The following GRM4 variants were observed in gnomAD, a reference collection of about 807,000 sequenced individuals.
The protein encoded by GRM4 is metabotropic glutamate receptor 4.
In GRM4, 28 loss-of-function variants were observed where a neutral mutation model predicts 81.7. The ratio of observed to expected loss-of-function variants is 0.34; its 90% CI spans 0.25 to 0.47. GRM4 has a LOEUF of 0.47. GRM4 is among the 20% of genes least tolerant of loss of function. The pLI, the probability that GRM4 is intolerant of heterozygous loss-of-function variation, is 1.00. For synonymous variants in GRM4, 488 were observed against 528.8 expected, an observed-to-expected ratio of 0.92 and a Z score of 1.06; for missense variants, 948 against 1,290.0, an observed-to-expected ratio of 0.73 and a Z score of 4.06.
At chr6:34,141,875 G>A (rs1448723460) in intron 1 of GRM4, among the ~76,000 whole-genome samples, 1 of 152,184 alleles carries the variant, frequency 6.6e-6, no homozygotes, top group African/African-American at 2.4e-5. Context: ...TTGTGAAGGA[G>A]GAACTACCAG....
Position 34,080,278 on chromosome 6 carries a change from G to T in GRM4, c.736+11605C>A, listed in dbSNP as rs1234662104. Among the ~76,000 whole-genome samples the T allele has an allele frequency of 6.6e-6, 1 of 152,144 alleles. No homozygotes were observed. Among genetic ancestry groups the T allele is most frequent in the Non-Finnish European group, 1.5e-5 (1 of 68,034 alleles). On this transcript the variant is annotated intron_variant, in intron 3 of 10. Coordinates refer to ENST00000538487, the MANE Select transcript of GRM4 (RefSeq NM_000841.4). The surrounding 1 kb of genome is among the most constrained non-coding windows in gnomAD (Gnocchi z 5.4). ...TTGCAGGGAAGAGTCTCCCTTACTT[G>T]CCCCTCTCTGTCCACTTACACTGCT...
chr6:34,151,469 ACAAG>A (rs1415360623), intron 1 of GRM4, among the ~76,000 whole-genome samples: 1 of 152,204 alleles, frequency 6.6e-6, no homozygotes, highest in Non-Finnish European at 1.5e-5. Context: ...CATGGATGTC[ACAAG>A]CCGGGATGTC....
intron 9 of GRM4, among the ~76,000 whole-genome samples, chr6:34,031,147 G>A (rs956226478): frequency 1.3e-5 from 2 of 152,220 alleles, no homozygotes; most frequent in East Asian, 3.8e-4. Flanking sequence ...GCTGAACCCA[G>A]GCACCAGGAA....
intron 3 of GRM4, among the ~76,000 whole-genome samples, chr6:34,071,354 CA>C: frequency 1.3e-5 from 1 of 77,606 alleles, no homozygotes; most frequent in Admixed American, 1.3e-4. Flanking sequence ...CACCGCACCA[CA>C]CACACACATC....
In GRM4 at chr6:34,070,026, TGAGTTCCTGACTGAC is replaced by T. The variant is rs904480991; in HGVS notation, c.737-8013_737-7999del. Among the ~76,000 whole-genome samples the T allele has an allele frequency of 9.8e-5, 15 of 152,300 alleles. No individual in the cohort carries two copies. Among genetic ancestry groups the T allele is most frequent in the Non-Finnish European group, 1.8e-4 (12 of 68,028 alleles). On this transcript the variant is annotated intron_variant, in intron 3 of 10. Transcript: ENST00000538487. This position sits in a 1 kb window ranked among gnomAD's most constrained non-coding sequence, Gnocchi z 4.6. Reference sequence around the variant, plus strand: ...CACACTTGCTGGACGAATGGAGAACTGAGTTCCTGACTGACGGGGTTTTGAAGGGACAGCTCGGCA... The same window carrying T: ...CACACTTGCTGGACGAATGGAGAACTGGGGTTTTGAAGGGACAGCTCGGCA...
intron 2 of GRM4, among the ~76,000 whole-genome samples, chr6:34,112,840 C>CCATA (rs1312960573): frequency 5.9e-5 from 9 of 152,174 alleles, no homozygotes; most frequent in Admixed American, 6.5e-5. Flanking sequence ...AGGGATGCTC[C>CCATA]CATACCCCTA....
chr6:34,116,585 C>G (rs1446446582), intron 2 of GRM4, among the ~76,000 whole-genome samples: 1 of 152,150 alleles, frequency 6.6e-6, no homozygotes, highest in Admixed American at 6.6e-5. Context: ...AAGGTACAGT[C>G]TCTTTGGGAA....
At position 34,042,197 on chromosome 6, in the gene GRM4, C is replaced by T. The variant is rs1765048512; in HGVS notation, c.1169-1449G>A. Among the ~76,000 whole-genome samples, 1 of 152,176 alleles carries T rather than the reference C, an allele frequency of 6.6e-6. No homozygotes were observed. Among genetic ancestry groups the T allele is most frequent in the Non-Finnish European group, 1.5e-5 (1 of 68,036 alleles). On this transcript the variant is annotated intron_variant, in intron 6 of 10. Coordinates refer to ENST00000538487, the MANE Select transcript of GRM4 (RefSeq NM_000841.4). This position sits in a 1 kb window ranked among gnomAD's most constrained non-coding sequence, Gnocchi z 4.2. Reference sequence around the variant, plus strand: ...ACAAGGATCACATGAACCCGGGAGGCGGAGCTTGCAGTGAGCTGAGATTGC... The same window carrying T: ...ACAAGGATCACATGAACCCGGGAGGTGGAGCTTGCAGTGAGCTGAGATTGC...
At position 34,110,432 on chromosome 6, in the gene GRM4, C is replaced by G. The variant is rs9469716; in HGVS notation, c.520-18333G>C. The stretch of plus-strand genomic sequence containing the variant: ...TCTGCACTTACCAGCCCCCCTCCCC[C>G]ACCCGACCTGGCCACACTGGCCTCC... On this transcript the variant is annotated intron_variant, in intron 2 of 10. Coordinates refer to ENST00000538487, the MANE Select transcript of GRM4 (RefSeq NM_000841.4). 2.0e-3 allele frequency among the ~76,000 whole-genome samples: 300 copies of G among 151,884 alleles called. 1 individual carries two copies. The highest frequency in any genetic ancestry group is 0.014 in the East Asian group (73 of 5,178).
chr6:34,058,959 C>A lies in GRM4; in HGVS notation c.1027+15G>T, dbSNP rs1259193117. The stretch of plus-strand genomic sequence containing the variant: ...TCCAGGATGGTGCCGACCACCTGCA[C>A]CCGCCCAGCCTTACCTCGTACGGAC... On this transcript the variant is annotated intron_variant, in intron 5 of 10. Coordinates refer to ENST00000538487, the MANE Select transcript of GRM4 (RefSeq NM_000841.4). The A allele has an allele frequency of 6.2e-7, 1 of 1,608,260 alleles. No homozygotes were observed. The highest frequency in any genetic ancestry group is 8.5e-7 in the Non-Finnish European group (1 of 1,178,632).
intron 8 of GRM4, among the ~76,000 whole-genome samples, chr6:34,037,574 A>C (rs780399173): frequency 1.1e-4 from 16 of 152,100 alleles, no homozygotes; most frequent in Non-Finnish European, 1.9e-4. Flanking sequence ...TTTAGAATAA[A>C]GGAAAAGGGG....
rs540534842 is a variant in GRM4, at chr6:34,034,867, A to G, written c.2442+801T>C. 2.8e-4 allele frequency among the ~76,000 whole-genome samples: 43 copies of G among 151,782 alleles called. No homozygotes were observed. Among genetic ancestry groups the G allele is most frequent in the African/African-American group, 1.0e-3 (43 of 41,342 alleles). On this transcript the variant is annotated intron_variant, in intron 9 of 10. Coordinates refer to ENST00000538487, the MANE Select transcript of GRM4 (RefSeq NM_000841.4). The surrounding 1 kb of genome is among the most constrained non-coding windows in gnomAD (Gnocchi z 4.0). ...GTGACTCCCAGTACTTCCAGATAACACCCCCGAGTCACCCAGCCAGCACCA... is the reference window on the plus strand; with the variant it reads ...GTGACTCCCAGTACTTCCAGATAACGCCCCCGAGTCACCCAGCCAGCACCA...
At chr6:34,124,774 A>G (rs1372555031) in intron 2 of GRM4, among the ~76,000 whole-genome samples, 1 of 152,214 alleles carries the variant, frequency 6.6e-6, no homozygotes, top group East Asian at 1.9e-4. Flanking sequence ...GACTCTTTAC[A>G]GATGGACAAA....
In GRM4 at chr6:34,092,139, C is replaced by T; in HGVS notation, c.520-40G>A. ...GGGCTGCTGAGGGTGGCGACTGGCT[C>T]CCCACCCTGCCTAGCCAGCCCCATT... On this transcript the variant is annotated intron_variant, in intron 2 of 10. Coordinates refer to ENST00000538487, the MANE Select transcript of GRM4 (RefSeq NM_000841.4). The surrounding 1 kb of genome is among the most constrained non-coding windows in gnomAD (Gnocchi z 6.8). 2 of 1,376,592 alleles carry T rather than the reference C, an allele frequency of 1.5e-6. No homozygotes were observed. Among genetic ancestry groups the T allele is most frequent in the Non-Finnish European group, 2.0e-6 (2 of 980,074 alleles). 85.3% of individuals were successfully genotyped at this position (1,376,592 alleles called of 1,614,324 possible).
chr6:34,116,893 G>C (rs1316971473), intron 2 of GRM4, among the ~76,000 whole-genome samples: 1 of 152,208 alleles, frequency 6.6e-6, no homozygotes, highest in East Asian at 1.9e-4. Flanking sequence ...CACAGACAAT[G>C]TGAGCAAAAG....
In GRM4 at chr6:34,155,228, A is replaced by ACG; in HGVS notation, c.162_163insCG (p.Cys55ArgfsTer17). ...GGGCCTCTTGTGCGCACCCACACAC[A>ACG]CCGGCAAAATCCAAAGGACCTGGGC... On this transcript the variant is annotated frameshift_variant, in exon 1 of 9. Coordinates refer to the GRM4 transcript ENST00000374177. LOFTEE classifies it high-confidence loss of function. 1 of 1,535,226 alleles carries ACG rather than the reference A, an allele frequency of 6.5e-7. No homozygotes were observed. Among genetic ancestry groups the ACG allele is most frequent in the Non-Finnish European group, 8.7e-7 (1 of 1,146,546 alleles).
chr6:34,062,189 T>G, intron 3 of GRM4, 161 bp from the exon 4 acceptor site: 1 of 653,078 alleles, frequency 1.5e-6, no homozygotes, highest in Non-Finnish European at 2.5e-6. Context: ...GGCTGTGCAG[T>G]CAGGACAGCT....
chr6:34,142,886 A>C (rs1260313422), intron 1 of GRM4, among the ~76,000 whole-genome samples: 1 of 152,184 alleles, frequency 6.6e-6, no homozygotes, highest in Non-Finnish European at 1.5e-5. Flanking sequence ...TCAACTCCTG[A>C]CATGCTCCCG....
In GRM4 at chr6:34,032,165, C is replaced by G. The variant is rs547446440; in HGVS notation, c.2442+3503G>C. Among the ~76,000 whole-genome samples, 38 of 152,286 alleles carry G rather than the reference C, an allele frequency of 2.5e-4. No homozygotes were observed. The South Asian group carries it at 4.8e-3, about 19-fold the overall frequency. The stretch of plus-strand genomic sequence containing the variant: ...CTCAGCCTACACATCCATACACACA[C>G]CAGCAGCTACATACCCTTCAGCACA... On this transcript the variant is annotated intron_variant, in intron 9 of 10. Transcript: ENST00000538487.
Sources: gnomAD v4.1 joint callset for allele counts (sites outside exome capture counted in the v4.1 genomes callset) on GRCh38, gnomAD v4.1.1 for gene constraint, Gnocchi (gnomAD v3.1) non-coding constraint, MANE v1.5 for transcripts, NCBI Gene and HGNC (gene_info 2026-07-23, HGNC 2026-07-21) for gene names.